The following MEIS1 variants were observed in gnomAD, a reference collection of about 807,000 sequenced individuals.
MEIS1 encodes homeobox protein Meis1.
In MEIS1, 5 loss-of-function variants were observed where a neutral mutation model predicts 50.8. The observed-to-expected ratio is 0.10, with a 90% CI of 0.05 to 0.21. MEIS1 has a LOEUF of 0.21. Ranked by LOEUF, MEIS1 falls within the 10% of genes least tolerant of loss-of-function variation. The probability of loss-of-function intolerance (pLI) is 1.00; values close to 1 mark genes in which losing one functional copy is unlikely to be tolerated. For synonymous variants in MEIS1, 176 were observed against 179.3 expected (o/e 0.98, Z 0.15); for missense variants, 318 against 517.3 (o/e 0.61, Z 3.74).
At chr2:66,524,635 T>C (rs1674205012) in intron 8 of MEIS1, among the ~76,000 whole-genome samples, 1 of 152,154 alleles carries the variant, frequency 6.6e-6, no homozygotes, top group Non-Finnish European at 1.5e-5. Context: ...TTGGAAACAT[T>C]GCTAAGTTGG....
intron 8 of MEIS1, among the ~76,000 whole-genome samples, chr2:66,521,635 GT>G (rs377005995): frequency 4.6e-5 from 7 of 152,306 alleles, no homozygotes; most frequent in African/African-American, 1.7e-4. Context: ...TCCATAAACA[GT>G]GGTAATGGTG....
chr2:66,514,671 A>G (rs941211437), intron 8 of MEIS1, among the ~76,000 whole-genome samples: 4 of 152,198 alleles, frequency 2.6e-5, no homozygotes, highest in Admixed American at 1.3e-4. Context: ...TTGATTAATG[A>G]TAATGGTCTG....
intron 7 of MEIS1, among the ~76,000 whole-genome samples, chr2:66,485,135 C>T (rs969095038): frequency 6.6e-6 from 1 of 152,028 alleles, no homozygotes; most frequent in Non-Finnish European, 1.5e-5. Flanking sequence ...TTCTGGGATA[C>T]ATGTGCAGAA....
chr2:66,461,779 C>A, intron 6 of MEIS1: 1 of 438,868 alleles, frequency 2.3e-6, no homozygotes, highest in Non-Finnish European at 4.7e-6. Flanking sequence ...AATGAAAATG[C>A]AATGAATCGG....
chr2:66,466,603 C>A (rs1368555386), intron 7 of MEIS1, among the ~76,000 whole-genome samples: 2 of 152,184 alleles, frequency 1.3e-5, no homozygotes, highest in Non-Finnish European at 2.9e-5. Context: ...CCATGTTTTC[C>A]CTGTTTGCCT....
At chr2:66,508,066 G>A (rs986285078) in intron 7 of MEIS1, among the ~76,000 whole-genome samples, 6 of 152,176 alleles carry the variant, frequency 3.9e-5, no homozygotes, top group African/African-American at 1.4e-4. Flanking sequence ...AGGGCAAATG[G>A]CCCACGCTGA....
chr2:66,468,803 G>A (rs1672700635), intron 7 of MEIS1, among the ~76,000 whole-genome samples: 1 of 152,190 alleles, frequency 6.6e-6, no homozygotes, highest in Non-Finnish European at 1.5e-5. Flanking sequence ...AAACTCAGAG[G>A]GGTAATGTTC....
chr2:66,488,213 A>G (rs1347614732), intron 7 of MEIS1, among the ~76,000 whole-genome samples: 1 of 152,146 alleles, frequency 6.6e-6, no homozygotes, highest in Admixed American at 6.5e-5. Flanking sequence ...ATGCTGATGG[A>G]AGAGTGTGGG....
chr2:66,562,441 G>GA (rs1675242581), intron 9 of MEIS1, among the ~76,000 whole-genome samples: 1 of 150,632 alleles, frequency 6.6e-6, no homozygotes, highest in South Asian at 2.1e-4. Flanking sequence ...GGACAAAAAA[G>GA]AAAGAACAAA....
At chr2:66,449,255 A>G (rs1364855448) in intron 6 of MEIS1, among the ~76,000 whole-genome samples, 2 of 152,130 alleles carry the variant, frequency 1.3e-5, no homozygotes, top group Non-Finnish European at 2.9e-5. Context: ...TCAGAATGTA[A>G]TACCTGTATA....
intron 6 of MEIS1, chr2:66,443,406 A>G (rs900951789): frequency 3.5e-5 from 8 of 229,062 alleles, no homozygotes; most frequent in Middle Eastern, 1.4e-3. Flanking sequence ...TCCCCCTTCT[A>G]TCTTCAAGAA....
At chr2:66,477,589 C>T (rs919291945) in intron 7 of MEIS1, among the ~76,000 whole-genome samples, 7 of 152,152 alleles carry the variant, frequency 4.6e-5, no homozygotes, top group African/African-American at 1.2e-4. Flanking sequence ...GCTCCGGCTC[C>T]GTGGAGACCA....
chr2:66,550,003 C>T (rs578181983), intron 9 of MEIS1, among the ~76,000 whole-genome samples: 68 of 152,248 alleles, frequency 4.5e-4, no homozygotes, highest in African/African-American at 1.6e-3. Flanking sequence ...CCTAATCAGT[C>T]CATGATCACA....
At chr2:66,486,442 G>T (rs1195756707) in intron 7 of MEIS1, among the ~76,000 whole-genome samples, 2 of 151,886 alleles carry the variant, frequency 1.3e-5, no homozygotes, top group Non-Finnish European at 2.9e-5. Flanking sequence ...CCTCTGTTCT[G>T]TTCCATTGGT....
chr2:66,551,053 A>G (rs905105445), intron 9 of MEIS1, among the ~76,000 whole-genome samples: 3 of 152,192 alleles, frequency 2.0e-5, no homozygotes, highest in Non-Finnish European at 2.9e-5. Context: ...GCTGAAGGAC[A>G]GGTTGAGTGT....
chr2:66,566,519 A>G (rs1156470757), intron 9 of MEIS1, among the ~76,000 whole-genome samples: 4 of 152,112 alleles, frequency 2.6e-5, no homozygotes, highest in Non-Finnish European at 5.9e-5. Context: ...CATTTTCTGG[A>G]TTTGATACGT....
intron 7 of MEIS1, among the ~76,000 whole-genome samples, chr2:66,467,470 G>A (rs1288493973): frequency 1.3e-5 from 2 of 151,806 alleles, no homozygotes; most frequent in African/African-American, 2.4e-5. Context: ...GGTGGTGGGC[G>A]CCTATAATCC....
chr2:66,462,636 G>T (rs908194452), intron 6 of MEIS1, among the ~76,000 whole-genome samples: 3 of 152,126 alleles, frequency 2.0e-5, no homozygotes, highest in African/African-American at 7.2e-5. Flanking sequence ...GAAAATTTAT[G>T]CATTAACTGT....
At chr2:66,456,768 C>T (rs555150380) in intron 6 of MEIS1, among the ~76,000 whole-genome samples, 2 of 152,318 alleles carry the variant, frequency 1.3e-5, no homozygotes, top group South Asian at 4.1e-4. Context: ...AGGGAGGTAG[C>T]CTTTTAAAAA....
Sources: gnomAD v4.1 joint callset for allele counts (sites outside exome capture counted in the v4.1 genomes callset) on GRCh38, gnomAD v4.1.1 for gene constraint, MANE v1.5 for transcripts, NCBI Gene and HGNC (gene_info 2026-07-23, HGNC 2026-07-21) for gene names.